EFCAB13: variants seen among roughly 807,000 people sequenced by gnomAD.
The protein encoded by EFCAB13 is EF-hand calcium-binding domain-containing protein 13.
A neutral mutation model predicts 110.2 loss-of-function variants in EFCAB13; 91 were observed. The ratio of observed to expected loss-of-function variants is 0.83; its 90% CI spans 0.70 to 0.98. The LOEUF is 0.98. EFCAB13 is among the 50% of genes least tolerant of loss of function. The pLI is 0.00. For synonymous variants in EFCAB13, 323 were observed against 369.9 expected, an observed-to-expected ratio of 0.87 and a Z score of 1.45; for missense variants, 968 against 1,119.4, an observed-to-expected ratio of 0.86 and a Z score of 1.93.
intron 14 of EFCAB13, among the ~76,000 whole-genome samples, chr17:47,381,328 CT>C (rs2065646400): frequency 6.6e-6 from 1 of 152,046 alleles, no homozygotes; most frequent in Non-Finnish European, 1.5e-5. Context: ...ATGATAGTTT[CT>C]TTTGCGTGCA....
At chr17:47,377,566 G>A (rs2292348) in intron 12 of EFCAB13, 200 bp from the exon 13 acceptor site, 33,280 of 359,650 alleles carry the variant, frequency 0.093, 2,379 homozygotes, top group East Asian at 0.34. Context: ...ATGTTAGGAC[G>A]GTTCTGTGTT....
At chr17:47,391,652 A>G in intron 15 of EFCAB13, 72 bp downstream of exon 15, 1 of 1,371,010 alleles carries the variant, frequency 7.3e-7, no homozygotes, top group South Asian at 1.6e-5. Flanking sequence ...TTTTTTTCTT[A>G]GAAAAATGAC....
At chr17:47,422,157 AAAT>A (rs1598763435) in intron 23 of EFCAB13, among the ~76,000 whole-genome samples, 1 of 151,130 alleles carries the variant, frequency 6.6e-6, no homozygotes, top group Non-Finnish European at 1.5e-5. Flanking sequence ...ACAAAAATAA[AAAT>A]AATTCTTCAT....
chr17:47,393,402 G>T (rs754309463), intron 15 of EFCAB13, among the ~76,000 whole-genome samples: 4 of 152,114 alleles, frequency 2.6e-5, no homozygotes, highest in Non-Finnish European at 4.4e-5. Context: ...TTGGACTTAA[G>T]TACCAGGAAG....
chr17:47,329,068 T>A (rs1037921181), intron 4 of EFCAB13: 1 of 152,172 alleles, frequency 6.6e-6, no homozygotes, highest in Non-Finnish European at 1.5e-5. Context: ...AATAGTAGAA[T>A]GATTAGATAA....
intron 5 of EFCAB13, chr17:47,341,367 TTTTTG>T: frequency 1.3e-5 from 2 of 152,980 alleles, no homozygotes; most frequent in East Asian, 1.9e-4. Context: ...CATATGGTGT[TTTTTG>T]TTTTGTTTTG....
At chr17:47,420,180 C>A (rs1265920918) in intron 23 of EFCAB13, among the ~76,000 whole-genome samples, 2 of 152,246 alleles carry the variant, frequency 1.3e-5, no homozygotes, top group Non-Finnish European at 2.9e-5. Context: ...CAGCTCCTAA[C>A]GTGAGTGATC....
intron 9 of EFCAB13, among the ~76,000 whole-genome samples, chr17:47,354,481 C>G (rs756805030): frequency 1.3e-5 from 2 of 152,048 alleles, no homozygotes; most frequent in Non-Finnish European, 2.9e-5. Context: ...TATTGAAGCC[C>G]CCTACTACTG....
At chr17:47,408,947 A>G (rs1298536259) in intron 20 of EFCAB13, among the ~76,000 whole-genome samples, 1 of 152,198 alleles carries the variant, frequency 6.6e-6, no homozygotes, top group Non-Finnish European at 1.5e-5. Flanking sequence ...TTATTTTGAA[A>G]GTACTTTTTA....
chr17:47,353,868 A>G lies in EFCAB13; in HGVS notation c.661+5917A>G, dbSNP rs192302051. On this transcript the variant is annotated intron_variant, in intron 9 of 24. Transcript: ENST00000331493. ...TGACTTACATTTTTTTTCTTGTTTC[A>G]GTTTCATGTAGTTCTTCTCTGATCT... 3.3e-3 allele frequency among the ~76,000 whole-genome samples: 502 copies of G among 151,098 alleles called. 3 individuals are homozygous for G. Among genetic ancestry groups the G allele is most frequent in the African/African-American group, 0.011 (471 of 41,106 alleles).
At chr17:47,390,868 G>A (rs138761031) in intron 14 of EFCAB13, among the ~76,000 whole-genome samples, 64 of 152,136 alleles carry the variant, frequency 4.2e-4, no homozygotes, top group Non-Finnish European at 3.1e-4. Flanking sequence ...TAGGTTCAGA[G>A]ACTATAGTAT....
chr17:47,423,687 C>T (rs1904810070), intron 23 of EFCAB13, among the ~76,000 whole-genome samples: 2 of 151,434 alleles, frequency 1.3e-5, no homozygotes, highest in Non-Finnish European at 3.0e-5. Flanking sequence ...CGACGTGTCA[C>T]CCCGGCGGTT....
In EFCAB13 at chr17:47,395,875, G is replaced by A. The variant is rs138451034; in HGVS notation, c.1843G>A (p.Glu615Lys). The A allele has an allele frequency of 1.0e-4, 164 of 1,610,014 alleles. No homozygotes were observed. In the South Asian group the frequency reaches 1.4e-3, roughly 13 times the overall value. ...AIETLDDLRK[E>K]TMSVSDLWNT... ...TGAAACCCTCGACGATCTCAGAAAG[G>A]AGACGATGAGTGTTTCTGACCTGTG... Residue 615 changes from glutamate (E) to lysine (K), a missense_variant, in exon 17 of 25, where the codon GAG becomes AAG. Coordinates refer to ENST00000331493, the MANE Select transcript of EFCAB13 (RefSeq NM_152347.5).
intron 14 of EFCAB13, among the ~76,000 whole-genome samples, chr17:47,384,223 G>A (rs142707472): frequency 2.3e-3 from 339 of 144,604 alleles, no homozygotes; most frequent in Admixed American, 7.9e-3. Context: ...TTGAGCCTAT[G>A]TGTGTCTTTG....
intron 9 of EFCAB13, among the ~76,000 whole-genome samples, chr17:47,351,872 TA>T (rs1213521610): frequency 2.0e-5 from 3 of 151,534 alleles, no homozygotes; most frequent in Non-Finnish European, 2.9e-5. Context: ...CCAATGTCAG[TA>T]AGAGTTTTCC....
intron 3 of EFCAB13, 44 bp from the exon 4 acceptor site, chr17:47,328,225 G>A (rs1223142196): frequency 2.4e-6 from 2 of 842,488 alleles, no homozygotes; most frequent in Non-Finnish European, 4.1e-6. Context: ...TTGCTTAAGT[G>A]TTCTAAACAA....
intron 24 of EFCAB13, 52 bp downstream of exon 24, chr17:47,430,013 G>T (rs1226963004): frequency 6.6e-6 from 10 of 1,516,412 alleles, no homozygotes; most frequent in African/African-American, 1.4e-5. Context: ...TACCACAGGG[G>T]TGGAAGGTCT....
intron 17 of EFCAB13, among the ~76,000 whole-genome samples, chr17:47,396,960 A>G (rs1044634316): frequency 6.6e-6 from 1 of 152,168 alleles, no homozygotes; most frequent in African/African-American, 2.4e-5. Flanking sequence ...GATAGCATTT[A>G]TTTGAACCAG....
At chr17:47,342,164 C>G in intron 6 of EFCAB13, 132 bp downstream of exon 6, 1 of 533,334 alleles carries the variant, frequency 1.9e-6, no homozygotes, top group Non-Finnish European at 3.3e-6. Context: ...CTTGCTTCTC[C>G]TCTTCTGTTC....
Sources: allele counts gnomAD v4.1 joint callset (sites outside exome capture counted in the v4.1 genomes callset), GRCh38; gene constraint gnomAD v4.1.1; transcripts MANE v1.5; gene names NCBI Gene and HGNC (gene_info 2026-07-23, HGNC 2026-07-21).